The following SHTN1 variants were observed in gnomAD, a reference collection of about 807,000 sequenced individuals.
SHTN1 encodes the protein shootin 1, also known as shootin-1.
In SHTN1, 42 loss-of-function variants were observed where a neutral mutation model predicts 83.1. The observed-to-expected ratio is 0.51, with a 90% CI of 0.39 to 0.65. The LOEUF (loss-of-function observed/expected upper bound fraction) is 0.65. Ranked by LOEUF, SHTN1 falls within the 30% of genes least tolerant of loss-of-function variation. The probability of loss-of-function intolerance (pLI) is 0.00; values close to 1 mark genes in which losing one functional copy is unlikely to be tolerated. For synonymous variants in SHTN1, 224 were observed against 247.7 expected (o/e 0.90, Z 0.90); for missense variants, 622 against 737.8 (o/e 0.84, Z 1.82).
intron 16 of SHTN1, among the ~76,000 whole-genome samples, chr10:116,890,981 A>G (rs1369872219): frequency 2.0e-5 from 3 of 152,322 alleles, no homozygotes; most frequent in Admixed American, 2.0e-4. Flanking sequence ...ATTCAACAAC[A>G]TTCTAGCTAA....
chr10:116,910,932 G>T (rs1156663998), intron 14 of SHTN1, among the ~76,000 whole-genome samples: 1 of 152,206 alleles, frequency 6.6e-6, no homozygotes, highest in Non-Finnish European at 1.5e-5. Context: ...ACTGTTTAAA[G>T]ACATGCTTGA....
intron 7 of SHTN1, among the ~76,000 whole-genome samples, chr10:116,946,034 G>A (rs1171298941): frequency 6.6e-6 from 1 of 151,908 alleles, no homozygotes; most frequent in Admixed American, 6.6e-5. Context: ...GCTGTTTAGA[G>A]ATATAGACAT....
intron 1 of SHTN1, among the ~76,000 whole-genome samples, chr10:117,053,098 A>C (rs1852773887): frequency 6.6e-6 from 1 of 151,322 alleles, no homozygotes; most frequent in African/African-American, 2.4e-5. Context: ...CTCAAAATGG[A>C]TCAAATACCT....
chr10:117,025,568 C>A (rs1852323113), intron 2 of SHTN1, among the ~76,000 whole-genome samples: 1 of 152,122 alleles, frequency 6.6e-6, no homozygotes, highest in Non-Finnish European at 1.5e-5. Context: ...TACTGAGACA[C>A]CAGCCAGGGC....
In SHTN1 at chr10:116,900,583, G is replaced by A. The variant is rs1223643156; in HGVS notation, c.1673+1182C>T. 7.8e-6 allele frequency: 12 copies of A among 1,530,710 alleles called. No individual in the cohort carries two copies. The African/African-American group carries it at 1.4e-4, about 17-fold the overall frequency. 94.8% of individuals were successfully genotyped at this position (1,530,710 alleles called of 1,614,324 possible). A position where few individuals can be genotyped will look rare whatever the true frequency, so the allele number is the denominator to read the frequency against. On this transcript the variant is annotated intron_variant, in intron 16 of 16. Coordinates refer to ENST00000355371, the MANE Select transcript of SHTN1 (RefSeq NM_001127211.3). ...GGAGAAAAATCTATACACACACACTGAAGCATTTATCAGAAACTAACTTGT... is the reference window on the plus strand; with the variant it reads ...GGAGAAAAATCTATACACACACACTAAAGCATTTATCAGAAACTAACTTGT...
intron 2 of SHTN1, among the ~76,000 whole-genome samples, chr10:117,025,088 C>A (rs1202142052): frequency 2.0e-5 from 3 of 152,176 alleles, no homozygotes; most frequent in African/African-American, 7.2e-5. Context: ...CACACAAAAA[C>A]ACTTTCATAA....
At chr10:117,027,804 T>C (rs1852352572) in intron 2 of SHTN1, among the ~76,000 whole-genome samples, 1 of 152,192 alleles carries the variant, frequency 6.6e-6, no homozygotes. Context: ...GGCCCAGGCA[T>C]TTCTTTATAG....
At chr10:117,011,915 C>T (rs1420343360) in intron 2 of SHTN1, among the ~76,000 whole-genome samples, 1 of 151,904 alleles carries the variant, frequency 6.6e-6, no homozygotes, top group Non-Finnish European at 1.5e-5. Context: ...CCGAGGAGGG[C>T]GGATCACGAA....
chr10:116,946,662 T>G (rs995652415), intron 7 of SHTN1, among the ~76,000 whole-genome samples: 2 of 143,592 alleles, frequency 1.4e-5, no homozygotes, highest in Non-Finnish European at 3.0e-5. Flanking sequence ...GATTTATATA[T>G]AAATATATAA....
intron 9 of SHTN1, among the ~76,000 whole-genome samples, chr10:116,932,705 A>C (rs1849015465): frequency 6.6e-6 from 1 of 152,228 alleles, no homozygotes; most frequent in Admixed American, 6.5e-5. Context: ...TGGGTTTATC[A>C]GGACATAACC....
At chr10:117,052,802 G>C (rs539641657) in intron 1 of SHTN1, among the ~76,000 whole-genome samples, 1 of 151,436 alleles carries the variant, frequency 6.6e-6, no homozygotes, top group East Asian at 1.9e-4. Context: ...GGTGGATCAC[G>C]AGGCCAGGAG....
chr10:117,099,922 A>G (rs1463371615), intron 1 of SHTN1, among the ~76,000 whole-genome samples: 2 of 152,058 alleles, frequency 1.3e-5, no homozygotes, highest in African/African-American at 4.8e-5. Flanking sequence ...TCACACCTGT[A>G]ATCCCAGCAT....
At chr10:117,110,504 G>A (rs1302229867) in intron 1 of SHTN1, among the ~76,000 whole-genome samples, 5 of 151,600 alleles carry the variant, frequency 3.3e-5, no homozygotes, top group South Asian at 2.1e-4. Context: ...GGTGCACACC[G>A]CCATGCCTGG....
chr10:117,119,887 G>A (rs1462099935), intron 1 of SHTN1, among the ~76,000 whole-genome samples: 1 of 151,918 alleles, frequency 6.6e-6, no homozygotes, highest in Non-Finnish European at 1.5e-5. Context: ...CAACATGGAT[G>A]GAACTGGAGG....
At chr10:116,992,930 T>C (rs924746344) in intron 1 of SHTN1, among the ~76,000 whole-genome samples, 7 of 152,120 alleles carry the variant, frequency 4.6e-5, no homozygotes, top group Admixed American at 4.6e-4. Context: ...ACCTACCTCA[T>C]GGCTGAACAT....
Position 116,881,747 on chromosome 10 carries a change from C to T in SHTN1, c.*4597G>A. On this transcript the variant is annotated 3_prime_UTR_variant, in exon 17 of 17. Transcript: ENST00000355371. ...GGTCTGAAGTACGGCGCCGTGTCTC[C>T]ACATGGAGTTTCCTCTTCAACTTCA... is the stretch of plus-strand genomic sequence containing the variant. 8.9e-7 allele frequency: 1 copy of T among 1,128,440 alleles called. No individual in the cohort carries two copies. Among genetic ancestry groups the T allele is most frequent in the Non-Finnish European group, 1.2e-6 (1 of 862,508 alleles). The allele number at this position is 1,128,440 out of a possible 1,614,324, so 69.9% of individuals were successfully genotyped here. A position where few individuals can be genotyped will look rare whatever the true frequency, so the allele number is the denominator to read the frequency against.
rs200045766 is a variant in SHTN1 at position 116,906,651 on chromosome 10, C to A, written c.1456G>T (p.Val486Leu). ...CTACTGCTATCTGCTTCTGCTGTCA[C>A]CTTTCTGCGACGCAAAATCCTTTCT... ...ELERILRRRK[V>L]TAEADSSSPT... The change falls in exon 15 of 17, where the codon GTG (valine) becomes TTG (leucine). Residue 486 changes from valine to leucine, a missense_variant. By Grantham distance (32) the Val-to-Leu change is conservative. Coordinates refer to ENST00000355371, the MANE Select transcript of SHTN1 (RefSeq NM_001127211.3). The A allele has an allele frequency of 2.3e-5, 37 of 1,613,328 alleles. No homozygotes were observed. The Middle Eastern group carries it at 6.6e-4, about 29-fold the overall frequency.
At chr10:117,027,031 CAGAG>C (rs1009732130) in intron 2 of SHTN1, among the ~76,000 whole-genome samples, 4 of 152,196 alleles carry the variant, frequency 2.6e-5, no homozygotes, top group Non-Finnish European at 5.9e-5. Context: ...TGGCTCAGAA[CAGAG>C]AGAGACTCCA....
At chr10:117,096,365 T>G (rs1853503520) in intron 1 of SHTN1, among the ~76,000 whole-genome samples, 1 of 152,220 alleles carries the variant, frequency 6.6e-6, no homozygotes, top group Admixed American at 6.5e-5. Flanking sequence ...TTCTGGCTTT[T>G]AAGACCATAT....
Sources: gnomAD v4.1 joint callset for allele counts (sites outside exome capture counted in the v4.1 genomes callset) on GRCh38, gnomAD v4.1.1 for gene constraint, MANE v1.5 for transcripts, NCBI Gene and HGNC (gene_info 2026-07-23, HGNC 2026-07-21) for gene names.